ADGRG7: variants seen among roughly 807,000 people sequenced by gnomAD.
The protein encoded by ADGRG7 is G-protein coupled receptor 128.
ADGRG7 carries 82 observed loss-of-function variants against 88.6 expected under a neutral mutation model. That is an observed-to-expected ratio of 0.93 (90% confidence interval 0.77 to 1.11). The LOEUF (loss-of-function observed/expected upper bound fraction) is 1.11, where lower values mean the gene tolerates loss of function less well. ADGRG7 is among the 50% of genes most tolerant of loss of function. The probability of loss-of-function intolerance (pLI) is 0.00; values close to 1 mark genes in which losing one functional copy is unlikely to be tolerated. For synonymous variants in ADGRG7, 381 were observed against 345.2 expected (o/e 1.10, Z -1.15); for missense variants, 945 against 953.4 (o/e 0.99, Z 0.12).
intron 15 of ADGRG7, among the ~76,000 whole-genome samples, chr3:100,682,909 C>A (rs1321613152): frequency 1.3e-5 from 2 of 152,118 alleles, no homozygotes; most frequent in Non-Finnish European, 2.9e-5. Context: ...TCCAGGAAGA[C>A]CCCCCTGCCT....
intron 1 of ADGRG7, among the ~76,000 whole-genome samples, chr3:100,628,556 A>G (rs1707414816): frequency 6.6e-6 from 1 of 152,022 alleles, no homozygotes; most frequent in Admixed American, 6.6e-5. Flanking sequence ...CGGTTTCACC[A>G]TATTGCTCAG....
At chr3:100,629,497 C>T in intron 1 of ADGRG7, 101 bp from the exon 2 acceptor site, 1 of 703,732 alleles carries the variant, frequency 1.4e-6, no homozygotes, top group Non-Finnish European at 2.5e-6. Context: ...CAATGATACT[C>T]AAAGCAGTGG....
At chr3:100,649,298 A>G (rs1308510603) in intron 10 of ADGRG7, among the ~76,000 whole-genome samples, 1 of 152,212 alleles carries the variant, frequency 6.6e-6, no homozygotes, top group Non-Finnish European at 1.5e-5. Context: ...GTAGATGGAA[A>G]ATAACAGTAT....
chr3:100,615,267 G>A (rs1185899048), intron 1 of ADGRG7, among the ~76,000 whole-genome samples: 1 of 152,136 alleles, frequency 6.6e-6, no homozygotes, highest in Non-Finnish European at 1.5e-5. Flanking sequence ...TCTAAAACTG[G>A]TTATATGATA....
At chr3:100,659,574 T>C in intron 13 of ADGRG7, 114 bp from the exon 14 acceptor site, 1 of 822,014 alleles carries the variant, frequency 1.2e-6, no homozygotes, top group Admixed American at 2.6e-5. Context: ...TGCAGAGGGA[T>C]GTTAACTTTT....
intron 6 of ADGRG7, among the ~76,000 whole-genome samples, chr3:100,640,924 A>T (rs1188021598): frequency 1.3e-5 from 2 of 152,206 alleles, no homozygotes; most frequent in Non-Finnish European, 2.9e-5. Flanking sequence ...TGACTTTGGG[A>T]ATGCAAAATG....
chr3:100,652,631 C>G (rs2094931441), intron 11 of ADGRG7, among the ~76,000 whole-genome samples: 2 of 151,920 alleles, frequency 1.3e-5, no homozygotes, highest in African/African-American at 4.8e-5. Flanking sequence ...AAAAGAATAT[C>G]ACATTTTACT....
chr3:100,668,885 A>G, intron 14 of ADGRG7, 64 bp from the exon 15 acceptor site: 1 of 1,205,976 alleles, frequency 8.3e-7, no homozygotes, highest in Non-Finnish European at 1.2e-6. Context: ...TAGGAGAGTA[A>G]TAATGACGTT....
chr3:100,612,688 A>G (rs1707170412), intron 1 of ADGRG7, among the ~76,000 whole-genome samples: 1 of 152,064 alleles, frequency 6.6e-6, no homozygotes, highest in Non-Finnish European at 1.5e-5. Context: ...ACCATATTCT[A>G]CACCTCTTCT....
At chr3:100,636,394 T>TA (rs1472887625) in intron 5 of ADGRG7, among the ~76,000 whole-genome samples, 14 of 152,400 alleles carry the variant, frequency 9.2e-5, no homozygotes, top group South Asian at 4.1e-4. Flanking sequence ...GCATTTCTAT[T>TA]AAGAATATTT....
At chr3:100,642,864 G>A (rs570816503) in intron 6 of ADGRG7, among the ~76,000 whole-genome samples, 133 of 152,362 alleles carry the variant, frequency 8.7e-4, no homozygotes, top group African/African-American at 3.1e-3. Flanking sequence ...GTTTGGGTGA[G>A]AGGAAGAAGA....
chr3:100,650,646 A>C (rs2094927758), intron 11 of ADGRG7, among the ~76,000 whole-genome samples: 1 of 152,200 alleles, frequency 6.6e-6, no homozygotes, highest in South Asian at 2.1e-4. Context: ...AGTGCGTATC[A>C]GTATGTCCCA....
At chr3:100,663,930 C>G (rs1285659819) in intron 14 of ADGRG7, among the ~76,000 whole-genome samples, 1 of 151,902 alleles carries the variant, frequency 6.6e-6, no homozygotes. Flanking sequence ...ATCTTCTGAC[C>G]ATTAGGATAT....
At chr3:100,640,330 G>A (rs892009587) in intron 6 of ADGRG7, among the ~76,000 whole-genome samples, 1 of 152,000 alleles carries the variant, frequency 6.6e-6, no homozygotes, top group Non-Finnish European at 1.5e-5. Context: ...TTTTCTCTTG[G>A]TATCTCTCAG....
intron 3 of ADGRG7, among the ~76,000 whole-genome samples, chr3:100,631,487 T>C (rs1418859772): frequency 6.6e-6 from 1 of 152,200 alleles, no homozygotes; most frequent in Non-Finnish European, 1.5e-5. Flanking sequence ...GAGCCTATTA[T>C]GCCATTTAAT....
chr3:100,645,188 A>G (rs1707721597), intron 8 of ADGRG7, among the ~76,000 whole-genome samples: 1 of 152,266 alleles, frequency 6.6e-6, no homozygotes, highest in African/African-American at 2.4e-5. Flanking sequence ...CAACAGTTGT[A>G]TAAGGTGTTA....
intron 14 of ADGRG7, among the ~76,000 whole-genome samples, chr3:100,661,901 T>C (rs577549157): frequency 2.6e-5 from 4 of 152,154 alleles, no homozygotes; most frequent in Non-Finnish European, 5.9e-5. Context: ...TTGAAATACA[T>C]CCTCACAGAA....
At chr3:100,684,670 C>T (rs577325013) in intron 15 of ADGRG7, among the ~76,000 whole-genome samples, 1 of 151,770 alleles carries the variant, frequency 6.6e-6, no homozygotes, top group East Asian at 1.9e-4. Flanking sequence ...GTTTTTTTTC[C>T]CTATACGTCT....
At chr3:100,655,487 T>C (rs568261626) in intron 12 of ADGRG7, among the ~76,000 whole-genome samples, 6 of 152,314 alleles carry the variant, frequency 3.9e-5, no homozygotes, top group Non-Finnish European at 8.8e-5. Flanking sequence ...AACTTCCAGC[T>C]AGTTTAAAAG....
Sources: gnomAD v4.1 joint callset for allele counts (sites outside exome capture counted in the v4.1 genomes callset) on GRCh38, gnomAD v4.1.1 for gene constraint, MANE v1.5 for transcripts, NCBI Gene and HGNC (gene_info 2026-07-23, HGNC 2026-07-21) for gene names.